The following LRRC4C variants were observed in gnomAD, a reference collection of about 807,000 sequenced individuals.
LRRC4C encodes the protein leucine rich repeat containing 4C.
In LRRC4C, 5 loss-of-function variants were observed where a neutral mutation model predicts 33.6. The ratio of observed to expected loss-of-function variants is 0.15; its 90% CI spans 0.08 to 0.31. LRRC4C has a LOEUF of 0.31. Among genes scored for constraint, LRRC4C ranks in the 10% least tolerant of loss-of-function variants. The pLI, the probability that LRRC4C is intolerant of heterozygous loss-of-function variation, is 1.00. For synonymous variants in LRRC4C, 329 were observed against 302.0 expected (o/e 1.09, Z -0.93); for missense variants, 560 against 796.7 (o/e 0.70, Z 3.58).
At chr11:40,193,582 A>G (rs189290649) in intron 5 of LRRC4C, among the ~76,000 whole-genome samples, 350 of 152,302 alleles carry the variant, frequency 2.3e-3, no homozygotes, top group African/African-American at 8.1e-3. Context: ...CCAGCAAGGG[A>G]ACAAAACTGG....
At chr11:40,295,107 ATAGTTGGCACAT>A (rs1944444243) in intron 4 of LRRC4C, among the ~76,000 whole-genome samples, 1 of 152,316 alleles carries the variant, frequency 6.6e-6, no homozygotes, top group African/African-American at 2.4e-5. Flanking sequence ...TGTTAGAGAA[ATAGTTGGCACAT>A]TTCAAATTCA....
chr11:40,923,191 G>T (rs149869207), intron 2 of LRRC4C, among the ~76,000 whole-genome samples: 1 of 152,052 alleles, frequency 6.6e-6, no homozygotes, highest in Non-Finnish European at 1.5e-5. Flanking sequence ...TAAACAAAAG[G>T]TCATTGAAAA....
At chr11:41,409,365 G>A (rs1954371391) in intron 1 of LRRC4C, among the ~76,000 whole-genome samples, 1 of 152,150 alleles carries the variant, frequency 6.6e-6, no homozygotes, top group African/African-American at 2.4e-5. Context: ...CTGAAGGGAG[G>A]ATGACTTGGA....
intron 4 of LRRC4C, among the ~76,000 whole-genome samples, chr11:40,297,654 T>C (rs1204029068): frequency 1.3e-5 from 2 of 152,008 alleles, no homozygotes; most frequent in Non-Finnish European, 2.9e-5. Flanking sequence ...CCTCATCCCA[T>C]ATAGTCTTAT....
intron 3 of LRRC4C, among the ~76,000 whole-genome samples, chr11:40,349,246 A>G (rs1018742409): frequency 2.0e-5 from 3 of 152,114 alleles, no homozygotes; most frequent in African/African-American, 7.2e-5. Flanking sequence ...GATAACCATC[A>G]TTCTACTCTC....
chr11:40,976,084 T>A (rs1285989881), intron 1 of LRRC4C, among the ~76,000 whole-genome samples: 1 of 152,220 alleles, frequency 6.6e-6, no homozygotes, highest in African/African-American at 2.4e-5. Context: ...CAATTAGGTA[T>A]TTCTTTGCTT....
At chr11:40,670,985 A>C (rs541399592) in intron 2 of LRRC4C, among the ~76,000 whole-genome samples, 3 of 152,054 alleles carry the variant, frequency 2.0e-5, no homozygotes, top group Admixed American at 1.3e-4. Context: ...GGATTGTCTC[A>C]ATCTCCTGAC....
intron 1 of LRRC4C, among the ~76,000 whole-genome samples, chr11:40,949,997 G>T (rs767676267): frequency 2.3e-4 from 35 of 151,156 alleles, no homozygotes; most frequent in Non-Finnish European, 4.9e-4. Flanking sequence ...ACACACATAC[G>T]CAAGAGGAAA....
At chr11:41,139,479 G>A (rs939641655) in intron 1 of LRRC4C, among the ~76,000 whole-genome samples, 1 of 152,190 alleles carries the variant, frequency 6.6e-6, no homozygotes, top group Non-Finnish European at 1.5e-5. Flanking sequence ...TAATATTGAA[G>A]AGACTATTGA....
At chr11:40,489,422 T>A (rs1009113296) in intron 3 of LRRC4C, among the ~76,000 whole-genome samples, 2 of 152,072 alleles carry the variant, frequency 1.3e-5, no homozygotes, top group Non-Finnish European at 2.9e-5. Context: ...CCTACACGCA[T>A]ACTCACAACT....
chr11:40,582,488 C>G (rs1026697686), intron 3 of LRRC4C, among the ~76,000 whole-genome samples: 42 of 143,500 alleles, frequency 2.9e-4, no homozygotes, highest in African/African-American at 1.1e-3. Flanking sequence ...TTCTTCTTAT[C>G]GTACTTATTT....
chr11:41,428,121 T>C (rs1414560783), intron 1 of LRRC4C, among the ~76,000 whole-genome samples: 2 of 151,882 alleles, frequency 1.3e-5, no homozygotes, highest in Non-Finnish European at 2.9e-5. Flanking sequence ...TGGATACGAG[T>C]GAGAAAGTGG....
chr11:40,559,467 G>A (rs1957462901), intron 3 of LRRC4C, among the ~76,000 whole-genome samples: 1 of 152,108 alleles, frequency 6.6e-6, no homozygotes, highest in Non-Finnish European at 1.5e-5. Context: ...TTACAGGCTG[G>A]AGCCACTGTG....
intron 1 of LRRC4C, among the ~76,000 whole-genome samples, chr11:41,085,698 A>T (rs943172253): frequency 6.6e-6 from 1 of 152,126 alleles, no homozygotes; most frequent in African/African-American, 2.4e-5. Flanking sequence ...CAAGAATCAT[A>T]TCCTTACAGA....
intron 1 of LRRC4C, among the ~76,000 whole-genome samples, chr11:41,441,916 A>G (rs1429623554): frequency 6.6e-6 from 1 of 152,210 alleles, no homozygotes; most frequent in Non-Finnish European, 1.5e-5. Context: ...CCTCAGAAAT[A>G]AAACATAAAT....
intron 2 of LRRC4C, among the ~76,000 whole-genome samples, chr11:40,763,843 A>T (rs1949335379): frequency 6.6e-6 from 1 of 152,194 alleles, no homozygotes; most frequent in South Asian, 2.1e-4. Flanking sequence ...CATGGGCTAA[A>T]GCATTTTGGA....
intron 5 of LRRC4C, among the ~76,000 whole-genome samples, chr11:40,146,735 C>A (rs910255551): frequency 5.3e-5 from 8 of 152,128 alleles, no homozygotes; most frequent in African/African-American, 1.9e-4. Context: ...TCCTTAATTT[C>A]TGAATTGGAC....
intron 3 of LRRC4C, among the ~76,000 whole-genome samples, chr11:40,569,728 A>G (rs1033743676): frequency 6.6e-6 from 1 of 152,150 alleles, no homozygotes; most frequent in African/African-American, 2.4e-5. Context: ...GATCATTATG[A>G]GTTCAACATC....
At chr11:40,547,694 G>A (rs963967625) in intron 3 of LRRC4C, among the ~76,000 whole-genome samples, 2 of 151,998 alleles carry the variant, frequency 1.3e-5, no homozygotes, top group African/African-American at 4.8e-5. Flanking sequence ...ACACCCTATA[G>A]GACATAAAAT....
Sources: gnomAD v4.1 joint callset for allele counts (sites outside exome capture counted in the v4.1 genomes callset) on GRCh38, gnomAD v4.1.1 for gene constraint, MANE v1.5 for transcripts, NCBI Gene and HGNC (gene_info 2026-07-23, HGNC 2026-07-21) for gene names.